SLC44A5: variants seen among roughly 807,000 people sequenced by gnomAD.
The protein encoded by SLC44A5 is solute carrier family 44 member 5.
Under a neutral mutation model 101.8 loss-of-function variants are expected in SLC44A5, and 57 were observed. The ratio of observed to expected loss-of-function variants is 0.56; its 90% confidence interval spans 0.45 to 0.70. The LOEUF (loss-of-function observed/expected upper bound fraction) is 0.70. Among genes scored for constraint, SLC44A5 ranks in the 30% least tolerant of loss-of-function variants. The pLI, the probability that SLC44A5 is intolerant of heterozygous loss-of-function variation, is 0.00. For synonymous variants in SLC44A5, 281 were observed against 290.9 expected (o/e 0.97, Z 0.35); for missense variants, 737 against 853.1 (o/e 0.86, Z 1.70).
chr1:75,220,148 T>G (rs1025190509), intron 14 of SLC44A5, among the ~76,000 whole-genome samples: 4 of 152,184 alleles, frequency 2.6e-5, no homozygotes, highest in Non-Finnish European at 5.9e-5. Flanking sequence ...ACTGTCTGAT[T>G]TGATACATTG....
chr1:75,485,659 C>G (rs902702732), intron 2 of SLC44A5, among the ~76,000 whole-genome samples: 3 of 152,178 alleles, frequency 2.0e-5, no homozygotes, highest in Admixed American at 1.3e-4. Flanking sequence ...ATCTTTATAG[C>G]AGTGCCCCAA....
intron 6 of SLC44A5, among the ~76,000 whole-genome samples, chr1:75,258,670 G>A (rs1172843345): frequency 6.6e-6 from 1 of 152,144 alleles, no homozygotes; most frequent in Non-Finnish European, 1.5e-5. Context: ...CAGCGTTTGA[G>A]CTCCAATAAG....
intron 2 of SLC44A5, among the ~76,000 whole-genome samples, chr1:75,411,954 G>A (rs1663308416): frequency 6.6e-6 from 1 of 152,006 alleles, no homozygotes; most frequent in Non-Finnish European, 1.5e-5. Context: ...ATGACAATTC[G>A]CTATGATTTA....
Position 75,286,998 on chromosome 1 carries a change from G to A in SLC44A5, c.176-11956C>T, listed in dbSNP as rs6660784. ...TCAGATGTCTATATCTCTAGCAAGG[G>A]CAGGGAAGTTTTCCTCGATTAGTCC... On this transcript the variant is annotated intron_variant, in intron 5 of 23. Coordinates refer to ENST00000370859, the MANE Select transcript of SLC44A5 (RefSeq NM_001130058.2). Among the ~76,000 whole-genome samples the A allele has an allele frequency of 9.5e-3, 1,443 of 152,170 alleles. 36 individuals carry two copies. The highest frequency in any genetic ancestry group is 0.033 in the African/African-American group (1,362 of 41,534).
chr1:75,465,979 A>C (rs1010971228), intron 2 of SLC44A5, among the ~76,000 whole-genome samples: 2 of 152,188 alleles, frequency 1.3e-5, no homozygotes, highest in African/African-American at 2.4e-5. Context: ...TTTTCCTCAA[A>C]CTATTCCAAA....
intron 2 of SLC44A5, among the ~76,000 whole-genome samples, chr1:75,532,748 TA>T (rs1670791002): frequency 6.6e-6 from 1 of 152,072 alleles, no homozygotes; most frequent in African/African-American, 2.4e-5. Flanking sequence ...ACTCAAAACA[TA>T]TTGGTTGGGG....
intron 5 of SLC44A5, among the ~76,000 whole-genome samples, chr1:75,277,190 T>G (rs991141889): frequency 1.7e-4 from 26 of 152,218 alleles, no homozygotes; most frequent in South Asian, 4.1e-4. Flanking sequence ...CTTTAAAAAA[T>G]AATTAGGATT....
chr1:75,334,053 A>G (rs1175358374), intron 4 of SLC44A5, among the ~76,000 whole-genome samples: 1 of 152,174 alleles, frequency 6.6e-6, no homozygotes, highest in African/African-American at 2.4e-5. Context: ...CATCTGCCCA[A>G]GAGCCCTTAA....
intron 3 of SLC44A5, among the ~76,000 whole-genome samples, chr1:75,385,640 C>T (rs1371037643): frequency 6.6e-6 from 1 of 152,168 alleles, no homozygotes; most frequent in East Asian, 1.9e-4. Context: ...TAAGGATGAG[C>T]TGCTACCATT....
At chr1:75,527,901 CTCTT>C (rs1455871813) in intron 2 of SLC44A5, among the ~76,000 whole-genome samples, 1 of 152,156 alleles carries the variant, frequency 6.6e-6, no homozygotes, top group Admixed American at 6.5e-5. Flanking sequence ...TCCCCCTTTG[CTCTT>C]TCTGTCACTT....
chr1:75,719,722 A>C, the SLC44A5 span, among the ~76,000 whole-genome samples: 1 of 152,142 alleles, frequency 6.6e-6, no homozygotes, highest in African/African-American at 2.4e-5. Context: ...CAAATTATTG[A>C]TGCTATGTAT....
intron 2 of SLC44A5, among the ~76,000 whole-genome samples, chr1:75,399,854 A>T (rs1485845289): frequency 6.6e-6 from 1 of 152,192 alleles, no homozygotes; most frequent in Admixed American, 6.5e-5. Flanking sequence ...CAATCTACAG[A>T]TCTTTTTACA....
chr1:75,611,195 G>A, upstream of SLC44A5: 1 of 631,328 alleles, frequency 1.6e-6, no homozygotes, highest in Non-Finnish European at 2.0e-6. Context: ...TAATCCCTGA[G>A]GTCCTACTAG....
intron 2 of SLC44A5, among the ~76,000 whole-genome samples, chr1:75,425,267 A>C (rs1441325778): frequency 6.6e-6 from 1 of 152,248 alleles, no homozygotes; most frequent in Non-Finnish European, 1.5e-5. Context: ...ACTCAGCACT[A>C]TGTTAGGCAC....
At chr1:75,558,732 A>C (rs1000213793) in intron 1 of SLC44A5, among the ~76,000 whole-genome samples, 1 of 152,148 alleles carries the variant, frequency 6.6e-6, no homozygotes. Flanking sequence ...CATTATTATA[A>C]AAACAACACT....
intron 4 of SLC44A5, among the ~76,000 whole-genome samples, chr1:75,313,364 G>A (rs1432128571): frequency 6.6e-6 from 1 of 152,186 alleles, no homozygotes; most frequent in African/African-American, 2.4e-5. Flanking sequence ...AGTTTTCAAA[G>A]TAAACTATTT....
At chr1:75,651,106 A>T in the SLC44A5 span, among the ~76,000 whole-genome samples, 1 of 152,210 alleles carries the variant, frequency 6.6e-6, no homozygotes, top group Non-Finnish European at 1.5e-5. Flanking sequence ...AAATAAATTG[A>T]ATGACCTAGA....
At chr1:75,359,797 C>T (rs1659356347) in intron 3 of SLC44A5, among the ~76,000 whole-genome samples, 2 of 152,136 alleles carry the variant, frequency 1.3e-5, no homozygotes, top group African/African-American at 4.8e-5. Context: ...CAACGGTGCA[C>T]AGGGTTTGCT....
chr1:75,265,965 TC>T (rs991367543), intron 6 of SLC44A5, among the ~76,000 whole-genome samples: 1 of 152,158 alleles, frequency 6.6e-6, no homozygotes. Flanking sequence ...TGAGCAACTT[TC>T]CCAGAGCTCA....
Sources: allele counts gnomAD v4.1 joint callset (sites outside exome capture counted in the v4.1 genomes callset), GRCh38; gene constraint gnomAD v4.1.1; transcripts MANE v1.5; gene names NCBI Gene and HGNC (gene_info 2026-07-23, HGNC 2026-07-21).